Variants in KCNMB2 observed in about 807,000 individuals in gnomAD.
The protein encoded by KCNMB2 is potassium calcium-activated channel subfamily M regulatory beta subunit 2.
Under a neutral mutation model 24.5 loss-of-function variants are expected in KCNMB2, and 9 were observed. That is an observed-to-expected ratio of 0.37 (90% CI 0.22 to 0.64). The LOEUF (loss-of-function observed/expected upper bound fraction) is 0.64, where lower values mean the gene tolerates loss of function less well. Ranked by LOEUF, KCNMB2 falls within the 30% of genes least tolerant of loss-of-function variation. KCNMB2 has a pLI of 0.63. For synonymous variants in KCNMB2, 109 were observed against 104.4 expected (o/e 1.04, Z -0.27); for missense variants, 226 against 284.3 (o/e 0.79, Z 1.47).
At chr3:178,749,971 A>G (rs998848943) in intron 1 of KCNMB2, among the ~76,000 whole-genome samples, 3 of 152,212 alleles carry the variant, frequency 2.0e-5, no homozygotes, top group Non-Finnish European at 4.4e-5. Context: ...GCTCTTTCCC[A>G]TGGGCATGGA....
chr3:178,557,403 G>T (rs1383114407), intron 1 of KCNMB2, among the ~76,000 whole-genome samples: 1 of 152,132 alleles, frequency 6.6e-6, no homozygotes, highest in Non-Finnish European at 1.5e-5. Context: ...GACTTTGAAA[G>T]GACTCCTGAT....
chr3:178,754,175 T>C (rs867911638), intron 1 of KCNMB2, among the ~76,000 whole-genome samples: 1,294 of 82,992 alleles, frequency 0.016, 33 homozygotes, highest in African/African-American at 0.086. Flanking sequence ...TATATATATA[T>C]ATACACACAC....
intron 1 of KCNMB2, among the ~76,000 whole-genome samples, chr3:178,591,368 G>T (rs546245504): frequency 6.6e-6 from 1 of 152,174 alleles, no homozygotes; most frequent in Non-Finnish European, 1.5e-5. Flanking sequence ...CTTCTTCGGG[G>T]CTCATTCTGT....
At chr3:178,824,226 A>G (rs1427420085) in intron 2 of KCNMB2, among the ~76,000 whole-genome samples, 1 of 151,898 alleles carries the variant, frequency 6.6e-6, no homozygotes, top group Admixed American at 6.6e-5. Context: ...TTTATACACT[A>G]CTCATTTTCT....
intron 1 of KCNMB2, among the ~76,000 whole-genome samples, chr3:178,754,167 T>TAG (rs1239640799): frequency 1.8e-4 from 16 of 90,424 alleles, no homozygotes; most frequent in South Asian, 3.2e-4. Context: ...TATATATATA[T>TAG]ATATATATAT....
At chr3:178,689,149 T>C (rs1181946553) in intron 1 of KCNMB2, among the ~76,000 whole-genome samples, 6 of 152,162 alleles carry the variant, frequency 3.9e-5, no homozygotes, top group Non-Finnish European at 7.3e-5. Context: ...CAAATTTCTA[T>C]TGTTATAGTG....
chr3:178,840,800 T>C (rs767867246), intron 4 of KCNMB2, among the ~76,000 whole-genome samples: 40 of 152,344 alleles, frequency 2.6e-4, no homozygotes, highest in Middle Eastern at 3.4e-3. Flanking sequence ...TCCAGGCCTG[T>C]GATGGGAAGA....
chr3:178,595,048 T>C (rs1168879560), intron 1 of KCNMB2, among the ~76,000 whole-genome samples: 1 of 95,828 alleles, frequency 1.0e-5, no homozygotes, highest in Non-Finnish European at 2.1e-5. Context: ...TAGTGGCATA[T>C]ACAGTATTTG....
chr3:178,706,479 C>A (rs770396031), intron 1 of KCNMB2, among the ~76,000 whole-genome samples: 6 of 152,068 alleles, frequency 3.9e-5, no homozygotes, highest in Admixed American at 6.6e-5. Context: ...CGCTATTTCC[C>A]AATGGGTGCA....
chr3:178,658,827 A>G (rs1720429828), intron 1 of KCNMB2, among the ~76,000 whole-genome samples: 1 of 152,254 alleles, frequency 6.6e-6, no homozygotes, highest in Non-Finnish European at 1.5e-5. Flanking sequence ...TTATTACATC[A>G]AAAGCCTACA....
intron 1 of KCNMB2, among the ~76,000 whole-genome samples, chr3:178,651,727 A>G (rs972729624): frequency 2.6e-5 from 4 of 152,236 alleles, no homozygotes; most frequent in African/African-American, 4.8e-5. Context: ...ACAGATAAAT[A>G]GAACAATGGA....
intron 1 of KCNMB2, among the ~76,000 whole-genome samples, chr3:178,680,449 T>C (rs962479181): frequency 6.6e-6 from 1 of 152,220 alleles, no homozygotes; most frequent in African/African-American, 2.4e-5. Flanking sequence ...TTTTTTTCTT[T>C]ATTTCCAAAG....
intron 1 of KCNMB2, among the ~76,000 whole-genome samples, chr3:178,683,955 G>C (rs1468652855): frequency 6.6e-6 from 1 of 152,010 alleles, no homozygotes; most frequent in Non-Finnish European, 1.5e-5. Context: ...CCCTCTTCTG[G>C]TCAAATACTC....
At chr3:178,786,713 T>A (rs548074422) in intron 1 of KCNMB2, among the ~76,000 whole-genome samples, 5 of 152,142 alleles carry the variant, frequency 3.3e-5, no homozygotes, top group Admixed American at 6.6e-5. Flanking sequence ...GTTGTGCACA[T>A]GTACCCTAAA....
Position 178,780,053 on chromosome 3 carries a change from TAAAAAAA to T in KCNMB2, c.-67-27277_-67-27271del, listed in dbSNP as rs11406849. 3.5e-4 allele frequency among the ~76,000 whole-genome samples: 47 copies of T among 134,008 alleles called. No individual in the cohort carries two copies. In the East Asian group the frequency reaches 4.1e-3, roughly 12 times the overall value. The allele number at this position is 134,008 out of a possible 152,430, so 87.9% of individuals were successfully genotyped here. A position where few individuals can be genotyped will look rare whatever the true frequency, so the allele number is the denominator to read the frequency against. ...ATGGTGACCAATTAGTTGTTTTTTTTAAAAAAAAAAAAAAAAAAAGCACTATGAAATT... is the reference window on the plus strand; with the variant it reads ...ATGGTGACCAATTAGTTGTTTTTTTTAAAAAAAAAAAAGCACTATGAAATT... On this transcript the variant is annotated intron_variant, in intron 1 of 4. Transcript: ENST00000452583.
rs1719223718 is a variant in KCNMB2 at position 178,629,157 on chromosome 3, C to T, written c.-68+92446C>T. ...TTAGCTTTCCAAACTTCTATTCTTTCACTCCTTCCTGCATTTTTAGTTCCA... is the reference window on the plus strand; with the variant it reads ...TTAGCTTTCCAAACTTCTATTCTTTTACTCCTTCCTGCATTTTTAGTTCCA... On this transcript the variant is annotated intron_variant, in intron 1 of 4. Coordinates refer to ENST00000452583, the MANE Select transcript of KCNMB2 (RefSeq NM_181361.3). 3.3e-5 allele frequency among the ~76,000 whole-genome samples: 5 copies of T among 152,288 alleles called. 1 individual carries two copies. The South Asian group carries it at 1.0e-3, about 32-fold the overall frequency.
chr3:178,689,335 T>C (rs747624689), intron 1 of KCNMB2, among the ~76,000 whole-genome samples: 12 of 152,124 alleles, frequency 7.9e-5, no homozygotes, highest in Non-Finnish European at 1.5e-4. Context: ...TGCATTTGTA[T>C]AGCATCTTAG....
chr3:178,595,836 CA>C (rs1717849520), intron 1 of KCNMB2, among the ~76,000 whole-genome samples: 1 of 152,050 alleles, frequency 6.6e-6, no homozygotes. Context: ...CGCAGGATGA[CA>C]AGTAGTATAG....
intron 1 of KCNMB2, among the ~76,000 whole-genome samples, chr3:178,539,311 C>A (rs1246177423): frequency 6.6e-6 from 1 of 151,992 alleles, no homozygotes; most frequent in Non-Finnish European, 1.5e-5. Context: ...TTTGTTAATG[C>A]ATATGTGTGT....
Sources: gnomAD v4.1 joint callset for allele counts (sites outside exome capture counted in the v4.1 genomes callset) on GRCh38, gnomAD v4.1.1 for gene constraint, MANE v1.5 for transcripts, NCBI Gene and HGNC (gene_info 2026-07-23, HGNC 2026-07-21) for gene names.